JAZF1: variants seen among roughly 807,000 people sequenced by gnomAD.
The protein encoded by JAZF1 is JAZF zinc finger 1.
In JAZF1, 8 loss-of-function variants were observed where a neutral mutation model predicts 26.4. The ratio of observed to expected loss-of-function variants is 0.30; its 90% CI spans 0.18 to 0.55. The LOEUF (loss-of-function observed/expected upper bound fraction) is 0.55. JAZF1 is among the 20% of genes least tolerant of loss of function. The pLI is 0.94. For synonymous variants in JAZF1, 126 were observed against 122.3 expected, an observed-to-expected ratio of 1.03 and a Z score of -0.20; for missense variants, 199 against 322.0, an observed-to-expected ratio of 0.62 and a Z score of 2.92.
Position 27,964,463 on chromosome 7 carries a change from G to T in JAZF1, c.188+27446C>A, listed in dbSNP as rs1308832463. On this transcript the variant is annotated intron_variant, in intron 2 of 4. Transcript: ENST00000283928. ...AATGCTCATGATACAATAGTTAAAT[G>T]TATGACCCAATTAGAATCTTGCCAC... 2.0e-5 allele frequency among the ~76,000 whole-genome samples: 3 copies of T among 151,970 alleles called. No homozygotes were observed. The South Asian group carries it at 6.2e-4, about 32-fold the overall frequency.
chr7:28,157,631 G>A (rs955293370), intron 1 of JAZF1, among the ~76,000 whole-genome samples: 2 of 152,196 alleles, frequency 1.3e-5, no homozygotes, highest in Non-Finnish European at 2.9e-5. Context: ...ACACAAGACA[G>A]AAGGAACCCA....
intron 2 of JAZF1, among the ~76,000 whole-genome samples, chr7:27,938,428 A>G (rs1784790050): frequency 6.6e-6 from 1 of 152,196 alleles, no homozygotes; most frequent in Non-Finnish European, 1.5e-5. Flanking sequence ...CCATTCATCT[A>G]TTGACTAGCT....
intron 1 of JAZF1, among the ~76,000 whole-genome samples, chr7:28,108,176 C>T (rs569402476): frequency 2.6e-5 from 4 of 152,356 alleles, no homozygotes; most frequent in Non-Finnish European, 5.9e-5. Context: ...AGTATTTCCT[C>T]AGCCCTTGCT....
chr7:28,119,581 A>T (rs1784804523), intron 1 of JAZF1, among the ~76,000 whole-genome samples: 1 of 152,114 alleles, frequency 6.6e-6, no homozygotes, highest in South Asian at 2.1e-4. Flanking sequence ...TTTATGACAT[A>T]ATCTCTTAAT....
chr7:28,082,989 T>A (rs188644663), intron 1 of JAZF1, among the ~76,000 whole-genome samples: 4 of 152,334 alleles, frequency 2.6e-5, no homozygotes, highest in African/African-American at 9.6e-5. Flanking sequence ...TGACCACCAC[T>A]GAGTGCTCTG....
intron 1 of JAZF1, among the ~76,000 whole-genome samples, chr7:28,061,254 G>A (rs1455458484): frequency 6.6e-6 from 1 of 152,214 alleles, no homozygotes; most frequent in East Asian, 1.9e-4. Flanking sequence ...GTACCATGAT[G>A]AGACCTTACA....
intron 1 of JAZF1, among the ~76,000 whole-genome samples, chr7:28,144,915 G>C (rs1217767092): frequency 6.6e-6 from 1 of 152,134 alleles, no homozygotes; most frequent in Non-Finnish European, 1.5e-5. Context: ...TGTAAATTTT[G>C]ATGAAACTTA....
At chr7:27,837,987 C>T (rs957418280) in intron 4 of JAZF1, among the ~76,000 whole-genome samples, 3 of 151,490 alleles carry the variant, frequency 2.0e-5, no homozygotes, top group East Asian at 1.9e-4. Flanking sequence ...CAAGCTAATA[C>T]ACTAACAGGA....
At chr7:27,932,846 C>G (rs752775642) in intron 2 of JAZF1, among the ~76,000 whole-genome samples, 25 of 152,128 alleles carry the variant, frequency 1.6e-4, no homozygotes, top group Admixed American at 2.0e-4. Context: ...TTTCTTCTAG[C>G]CTTAAGGCTT....
intron 3 of JAZF1, chr7:27,844,347 C>T (rs1782979312): frequency 6.6e-6 from 1 of 152,216 alleles, no homozygotes; most frequent in Admixed American, 6.5e-5. Context: ...AAAATAAATC[C>T]CAAGCTCGTT....
intron 1 of JAZF1, among the ~76,000 whole-genome samples, chr7:28,179,284 C>A (rs1783596384): frequency 6.6e-6 from 1 of 152,246 alleles, no homozygotes; most frequent in African/African-American, 2.4e-5. Flanking sequence ...AAGCCAGATG[C>A]ACCCGGCCCA....
At chr7:27,849,518 C>T (rs901827585) in intron 3 of JAZF1, among the ~76,000 whole-genome samples, 2 of 152,152 alleles carry the variant, frequency 1.3e-5, no homozygotes, top group South Asian at 2.1e-4. Context: ...TTTTCATACT[C>T]CATGGTTTCA....
chr7:28,091,601 C>T (rs1382973282), intron 1 of JAZF1, among the ~76,000 whole-genome samples: 2 of 146,426 alleles, frequency 1.4e-5, no homozygotes, highest in African/African-American at 5.1e-5. Context: ...GTTAAATATA[C>T]ATATATATTA....
At chr7:28,038,192 G>T (rs558556848) in intron 1 of JAZF1, among the ~76,000 whole-genome samples, 5 of 152,200 alleles carry the variant, frequency 3.3e-5, no homozygotes, top group African/African-American at 1.2e-4. Flanking sequence ...ACCTATTTTT[G>T]GCAAGGTAAA....
chr7:27,961,673 T>C (rs918390540), intron 2 of JAZF1, among the ~76,000 whole-genome samples: 21 of 152,234 alleles, frequency 1.4e-4, no homozygotes, highest in African/African-American at 4.8e-4. Flanking sequence ...AATTCCTTTT[T>C]GGATAAAGAA....
At position 28,013,474 on chromosome 7, in the gene JAZF1, G is replaced by A. The variant is rs138455285; in HGVS notation, c.116-21493C>T. 5.9e-5 allele frequency among the ~76,000 whole-genome samples: 9 copies of A among 152,228 alleles called. No homozygotes were observed. In the East Asian group the frequency reaches 1.5e-3, roughly 26 times the overall value. On this transcript the variant is annotated intron_variant, in intron 1 of 4. Transcript: ENST00000283928. ...GCTCAGGATAGCGGGGGTTGGGGGGGTAGGGCAGGCATCCCCAGTGCTCCT... is the reference window on the plus strand; with the variant it reads ...GCTCAGGATAGCGGGGGTTGGGGGGATAGGGCAGGCATCCCCAGTGCTCCT...
At chr7:28,122,042 T>C (rs1197587327) in intron 1 of JAZF1, among the ~76,000 whole-genome samples, 7 of 152,228 alleles carry the variant, frequency 4.6e-5, no homozygotes, top group Non-Finnish European at 1.5e-5. Context: ...ATAGAGACTT[T>C]CTACCTAGCA....
At chr7:27,976,878 G>A (rs1290860170) in intron 2 of JAZF1, among the ~76,000 whole-genome samples, 1 of 152,184 alleles carries the variant, frequency 6.6e-6, no homozygotes, top group African/African-American at 2.4e-5. Flanking sequence ...GAGAGTTTGG[G>A]AGGATTAGGT....
At chr7:27,859,254 G>A (rs1387396773) in intron 3 of JAZF1, among the ~76,000 whole-genome samples, 1 of 152,214 alleles carries the variant, frequency 6.6e-6, no homozygotes, top group African/African-American at 2.4e-5. Flanking sequence ...GGAGAAACAG[G>A]AAGGCTTTTA....
Sources: allele counts gnomAD v4.1 joint callset (sites outside exome capture counted in the v4.1 genomes callset), GRCh38; gene constraint gnomAD v4.1.1; transcripts MANE v1.5; gene names NCBI Gene and HGNC (gene_info 2026-07-23, HGNC 2026-07-21).